The following STIM2 variants were observed in gnomAD, a reference collection of about 807,000 sequenced individuals.
The protein encoded by STIM2 is stromal interaction molecule 2.
Under a neutral mutation model 85.8 loss-of-function variants are expected in STIM2, and 31 were observed. The observed-to-expected ratio is 0.36, with a 90% CI of 0.27 to 0.49. The LOEUF (loss-of-function observed/expected upper bound fraction) is 0.49. Ranked by LOEUF, STIM2 falls within the 20% of genes least tolerant of loss-of-function variation. STIM2 has a pLI of 0.98. For synonymous variants in STIM2, 356 were observed against 331.1 expected, an observed-to-expected ratio of 1.08 and a Z score of -0.82; for missense variants, 841 against 927.6, an observed-to-expected ratio of 0.91 and a Z score of 1.21.
chr4:26,934,155 C>T (rs1185207676), intron 2 of STIM2, among the ~76,000 whole-genome samples: 1 of 152,026 alleles, frequency 6.6e-6, no homozygotes, highest in Non-Finnish European at 1.5e-5. Flanking sequence ...GATCGTGCCC[C>T]TGCCCTCTGG....
intron 2 of STIM2, among the ~76,000 whole-genome samples, chr4:26,922,806 T>C (rs977604782): frequency 1.3e-5 from 2 of 152,140 alleles, no homozygotes; most frequent in Non-Finnish European, 2.9e-5. Flanking sequence ...TTTGTTAGCA[T>C]AAACTCAGGT....
intron 1 of STIM2, among the ~76,000 whole-genome samples, chr4:26,913,876 G>C (rs1418895359): frequency 6.6e-6 from 1 of 152,208 alleles, no homozygotes; most frequent in Non-Finnish European, 1.5e-5. Flanking sequence ...ATTATGGCGG[G>C]AGAGTTAGTA....
intron 2 of STIM2, 101 bp downstream of exon 2, chr4:26,919,735 T>C (rs1724727486): frequency 7.4e-7 from 1 of 1,342,678 alleles, no homozygotes; most frequent in East Asian, 2.5e-5. Flanking sequence ...GCTCATTGCC[T>C]TCATCTTCAA....
chr4:26,959,670 T>C (rs550720048), intron 3 of STIM2, among the ~76,000 whole-genome samples: 23 of 152,278 alleles, frequency 1.5e-4, no homozygotes, highest in Admixed American at 1.2e-3. Context: ...CTAGTGACTT[T>C]GGTGAGATCT....
At chr4:26,948,364 T>C (rs1332810704) in intron 2 of STIM2, among the ~76,000 whole-genome samples, 1 of 152,208 alleles carries the variant, frequency 6.6e-6, no homozygotes, top group Non-Finnish European at 1.5e-5. Context: ...GGAATAGGGA[T>C]AGTCTTATTG....
At chr4:26,931,200 G>A (rs1725193861) in intron 2 of STIM2, among the ~76,000 whole-genome samples, 1 of 152,160 alleles carries the variant, frequency 6.6e-6, no homozygotes, top group Non-Finnish European at 1.5e-5. Flanking sequence ...GAGAGAAAGA[G>A]AAGGGGCAGT....
intron 3 of STIM2, among the ~76,000 whole-genome samples, chr4:26,988,661 C>G (rs2109119762): frequency 6.6e-6 from 1 of 152,282 alleles, no homozygotes; most frequent in East Asian, 1.9e-4. Flanking sequence ...AACCTCGACT[C>G]CATACACTTT....
intron 3 of STIM2, among the ~76,000 whole-genome samples, chr4:26,978,868 G>A (rs1727287857): frequency 6.6e-6 from 1 of 152,166 alleles, no homozygotes; most frequent in Admixed American, 6.5e-5. Context: ...ATGCAGGGTT[G>A]GGTGGGTGGT....
intron 3 of STIM2, among the ~76,000 whole-genome samples, chr4:26,983,835 A>AT (rs1452608686): frequency 1.3e-5 from 2 of 152,152 alleles, no homozygotes; most frequent in African/African-American, 2.4e-5. Context: ...CTGATGTTTT[A>AT]TTTATTTAAT....
intron 1 of STIM2, among the ~76,000 whole-genome samples, chr4:26,897,264 A>G (rs1577423740): frequency 6.6e-6 from 1 of 152,048 alleles, no homozygotes; most frequent in East Asian, 1.9e-4. Flanking sequence ...TGAGAGAGAG[A>G]GTTTCTCTGC....
intron 1 of STIM2, among the ~76,000 whole-genome samples, chr4:26,869,607 C>A (rs1167141097): frequency 6.6e-6 from 1 of 152,038 alleles, no homozygotes; most frequent in African/African-American, 2.4e-5. Flanking sequence ...TAGCTCACTG[C>A]AGCCTCAAAC....
chr4:26,979,482 G>A (rs957259337), intron 3 of STIM2, among the ~76,000 whole-genome samples: 11 of 152,146 alleles, frequency 7.2e-5, no homozygotes, highest in Admixed American at 7.2e-4. Flanking sequence ...TTAAGAACGT[G>A]GAAGGTTTTT....
At chr4:26,939,175 C>T (rs923801225) in intron 2 of STIM2, among the ~76,000 whole-genome samples, 4 of 152,084 alleles carry the variant, frequency 2.6e-5, no homozygotes, top group African/African-American at 9.7e-5. Flanking sequence ...CCCTGTCCTG[C>T]CCCTACATCT....
chr4:26,962,134 C>T (rs1001409009), intron 3 of STIM2, among the ~76,000 whole-genome samples: 1 of 152,160 alleles, frequency 6.6e-6, no homozygotes, highest in Admixed American at 6.5e-5. Context: ...TCAAACTATA[C>T]AGCTTTAAAT....
At chr4:26,867,031 A>G (rs897024119) in intron 1 of STIM2, among the ~76,000 whole-genome samples, 3 of 152,118 alleles carry the variant, frequency 2.0e-5, no homozygotes, top group African/African-American at 7.2e-5. Context: ...GTGGATGGCA[A>G]TGAGGAGATA....
chr4:26,967,951 AG>A (rs991607064), intron 3 of STIM2, among the ~76,000 whole-genome samples: 1 of 152,208 alleles, frequency 6.6e-6, no homozygotes, highest in African/African-American at 2.4e-5. Flanking sequence ...ATTAACAGGC[AG>A]GAAGATCAGT....
intron 1 of STIM2, 135 bp from the exon 2 acceptor site, chr4:26,919,369 G>A: frequency 9.2e-7 from 1 of 1,087,566 alleles, no homozygotes; most frequent in Non-Finnish European, 1.3e-6. Flanking sequence ...AGAATATTCT[G>A]TTAGACGTTT....
intron 2 of STIM2, among the ~76,000 whole-genome samples, chr4:26,943,300 C>T (rs1725687936): frequency 6.6e-6 from 1 of 152,082 alleles, no homozygotes; most frequent in Non-Finnish European, 1.5e-5. Context: ...CTTATTTACA[C>T]ATATTCAAAA....
At chr4:26,921,792 A>G (rs1163926793) in intron 2 of STIM2, among the ~76,000 whole-genome samples, 1 of 152,212 alleles carries the variant, frequency 6.6e-6, no homozygotes, top group Non-Finnish European at 1.5e-5. Context: ...AGAGTGTGAT[A>G]GCTAAGAGAC....
Sources: allele counts gnomAD v4.1 joint callset (sites outside exome capture counted in the v4.1 genomes callset), GRCh38; gene constraint gnomAD v4.1.1; transcripts MANE v1.5; gene names NCBI Gene and HGNC (gene_info 2026-07-23, HGNC 2026-07-21).